The following ASNS variants were observed in gnomAD, a reference collection of about 807,000 sequenced individuals.
The protein encoded by ASNS is asparagine synthetase [glutamine-hydrolyzing].
ASNS carries 37 observed loss-of-function variants against 62.6 expected under a neutral mutation model. The observed-to-expected ratio is 0.59, with a 90% confidence interval of 0.45 to 0.78. ASNS has a LOEUF of 0.78. Ranked by LOEUF, ASNS falls within the 30% of genes least tolerant of loss-of-function variation. The pLI is 0.00. For missense variants in ASNS, 520 were observed against 682.4 expected, an observed-to-expected ratio of 0.76 and a Z score of 2.65; for synonymous variants, 207 against 237.9, an observed-to-expected ratio of 0.87 and a Z score of 1.19.
intron 3 of ASNS, among the ~76,000 whole-genome samples, chr7:97,866,027 A>G (rs1359411433): frequency 2.0e-5 from 3 of 152,160 alleles, no homozygotes; most frequent in Non-Finnish European, 4.4e-5. Context: ...CAGATTTTGG[A>G]GCATTTCAAA....
intron 3 of ASNS, among the ~76,000 whole-genome samples, chr7:97,867,051 G>A (rs926034853): frequency 2.3e-5 from 3 of 130,258 alleles, no homozygotes; most frequent in African/African-American, 7.5e-5. Flanking sequence ...GGTAACGGAT[G>A]TATTACTTCC....
the ASNS span, among the ~76,000 whole-genome samples, chr7:97,912,384 A>C: frequency 6.6e-6 from 1 of 151,692 alleles, no homozygotes; most frequent in African/African-American, 2.4e-5. Flanking sequence ...TGTTTTTTTT[A>C]CAAAGCAATC....
At chr7:97,909,513 C>CA in the ASNS span, among the ~76,000 whole-genome samples, 16 of 40,638 alleles carry the variant, frequency 3.9e-4, no homozygotes, top group South Asian at 4.7e-3. Context: ...TTCATCATGT[C>CA]GTGCAGGCTT....
At chr7:97,919,186 C>G in the ASNS span, among the ~76,000 whole-genome samples, 2 of 152,038 alleles carry the variant, frequency 1.3e-5, no homozygotes, top group Non-Finnish European at 2.9e-5. Context: ...GCAACCTGCT[C>G]CTCACTGCAA....
chr7:97,893,142 A>C, the ASNS span, among the ~76,000 whole-genome samples: 1 of 152,248 alleles, frequency 6.6e-6, no homozygotes. Flanking sequence ...GCAGGCAAAG[A>C]GAGAGCTTGA....
intron 1 of ASNS, among the ~76,000 whole-genome samples, chr7:97,870,662 C>T (rs1792211484): frequency 6.6e-6 from 1 of 152,178 alleles, no homozygotes; most frequent in Non-Finnish European, 1.5e-5. Flanking sequence ...TGGAAAAATT[C>T]CATAAGATTT....
At chr7:97,867,726 T>G (rs981433515) in intron 3 of ASNS, among the ~76,000 whole-genome samples, 1 of 152,156 alleles carries the variant, frequency 6.6e-6, no homozygotes, top group African/African-American at 2.4e-5. Context: ...TCCAATCACC[T>G]AGAAAAATGA....
At chr7:97,926,854 A>G in the ASNS span, among the ~76,000 whole-genome samples, 1 of 152,088 alleles carries the variant, frequency 6.6e-6, no homozygotes, top group Non-Finnish European at 1.5e-5. Context: ...TTTAGCCTCC[A>G]GAAAGCATTT....
chr7:97,881,390 C>A, the ASNS span, among the ~76,000 whole-genome samples: 4 of 151,812 alleles, frequency 2.6e-5, no homozygotes, highest in Admixed American at 6.6e-5. Flanking sequence ...CCCGCCCCCC[C>A]AAAAAATAAC....
At chr7:97,892,194 GC>G in the ASNS span, among the ~76,000 whole-genome samples, 2 of 152,210 alleles carry the variant, frequency 1.3e-5, no homozygotes, top group Non-Finnish European at 2.9e-5. Flanking sequence ...TGAAGCCATA[GC>G]CCACGTTGTA....
At chr7:97,864,559 T>C (rs1791876646) in intron 3 of ASNS, 63 bp from the exon 4 acceptor site, 15 of 1,145,506 alleles carry the variant, frequency 1.3e-5, no homozygotes, top group South Asian at 7.7e-5. Context: ...TAATTTTTTA[T>C]TGCAAAGATG....
At chr7:97,873,838 C>T (rs1312866867), upstream of ASNS, among the ~76,000 whole-genome samples, 1 of 152,128 alleles carries the variant, frequency 6.6e-6, no homozygotes, top group Non-Finnish European at 1.5e-5. Flanking sequence ...GAGCTCTACA[C>T]TTCTCCACCT....
Position 97,856,739 on chromosome 7 carries a change from G to A in ASNS, c.981C>T (p.Val327=), listed in dbSNP as rs769326809. The change falls in exon 8 of 13, where the codon GTC becomes GTT. Residue 327 remains valine (V), a synonymous_variant. Transcript: ENST00000394308. The part of the protein sequence containing the change: ...SEEGIQALDE[V]IFSLETYDIT... The stretch of plus-strand genomic sequence containing the variant: ...TGTCATAAGTTTCCAAGGAAAATAT[G>A]ACTTCATCCAGAGCCTGAATGCCTT... 2.5e-6 allele frequency: 4 copies of A among 1,613,448 alleles called. No homozygotes were observed. In the South Asian group the frequency reaches 4.4e-5, roughly 18 times the overall value.
the ASNS span, chr7:97,906,542 T>A: frequency 1.8e-5 from 3 of 167,238 alleles, no homozygotes; most frequent in African/African-American, 7.2e-5. Context: ...GGATTCTCCA[T>A]GCTACACACA....
chr7:97,896,741 C>CACATATATATATATATAT, the ASNS span, among the ~76,000 whole-genome samples: 86 of 19,754 alleles, frequency 4.4e-3, 1 homozygote, highest in Middle Eastern at 0.056. Context: ...CACACACACA[C>CACATATATATATATATAT]ATATATATAT....
the ASNS span, among the ~76,000 whole-genome samples, chr7:97,879,585 G>T: frequency 6.6e-6 from 1 of 152,330 alleles, no homozygotes; most frequent in Middle Eastern, 3.4e-3. Context: ...GCTGAGGACA[G>T]CAGGAACCTG....
intron 4 of ASNS, among the ~76,000 whole-genome samples, chr7:97,861,316 C>T (rs1336380789): frequency 6.6e-6 from 1 of 152,092 alleles, no homozygotes; most frequent in Middle Eastern, 3.2e-3. Context: ...CTGGCCTGAT[C>T]CATTTTTCTG....
chr7:97,879,454 G>A, the ASNS span, among the ~76,000 whole-genome samples: 1 of 152,224 alleles, frequency 6.6e-6, no homozygotes, highest in South Asian at 2.1e-4. Context: ...GAGGTGATGG[G>A]ATGTAGTGAT....
the ASNS span, chr7:97,906,660 G>A: frequency 6.3e-6 from 1 of 158,988 alleles, no homozygotes; most frequent in Non-Finnish European, 1.4e-5. Flanking sequence ...ATAACCTTGT[G>A]TATTATTCTA....
Sources: gnomAD v4.1 joint callset for allele counts (sites outside exome capture counted in the v4.1 genomes callset) on GRCh38, gnomAD v4.1.1 for gene constraint, MANE v1.5 for transcripts, NCBI Gene and HGNC (gene_info 2026-07-23, HGNC 2026-07-21) for gene names.